PICALM: variants seen among roughly 807,000 people sequenced by gnomAD.
PICALM encodes phosphatidylinositol-binding clathrin assembly protein.
Under a neutral mutation model 80.5 loss-of-function variants are expected in PICALM, and 40 were observed. The ratio of observed to expected loss-of-function variants is 0.50; its 90% CI spans 0.39 to 0.65. The LOEUF (loss-of-function observed/expected upper bound fraction) is 0.65. Among genes scored for constraint, PICALM ranks in the 30% least tolerant of loss-of-function variants. The pLI is 0.00. For synonymous variants in PICALM, 288 were observed against 260.3 expected (o/e 1.11, Z -1.02); for missense variants, 676 against 778.9 (o/e 0.87, Z 1.57).
At chr11:85,990,110 A>G in intron 13 of PICALM, 140 bp downstream of exon 13, 1 of 448,166 alleles carries the variant, frequency 2.2e-6, no homozygotes, top group Non-Finnish European at 3.8e-6. Context: ...ACCTCACTAC[A>G]TTATGGCTGG....
chr11:86,055,474 A>G (rs1565577937), intron 1 of PICALM, among the ~76,000 whole-genome samples: 1 of 142,284 alleles, frequency 7.0e-6, no homozygotes, highest in Admixed American at 7.2e-5. Context: ...AAACTGGATC[A>G]GATTAAGTGG....
At chr11:86,016,042 G>A (rs868199729) in intron 4 of PICALM, among the ~76,000 whole-genome samples, 2 of 152,164 alleles carry the variant, frequency 1.3e-5, no homozygotes, top group Non-Finnish European at 2.9e-5. Flanking sequence ...GCCTGTTTCC[G>A]CTCAAGTGCT....
Position 85,981,194 on chromosome 11 carries a change from A to T in PICALM, c.1714T>A (p.Leu572Ile). 6.2e-7 allele frequency: 1 copy of T among 1,604,858 alleles called. No individual in the cohort carries two copies. The highest frequency in any genetic ancestry group is 8.5e-7 in the Non-Finnish European group (1 of 1,171,544). ...VNWSQPGEKK[L>I]TGGSNWQPKV... Reference sequence around the variant, plus strand: ...GGTTGCCAGTTAGATCCCCCAGTTAACTTCTTTTCACCTGGTTGACTCCAA... The same window carrying T: ...GGTTGCCAGTTAGATCCCCCAGTTATCTTCTTTTCACCTGGTTGACTCCAA... Residue 572 changes from leucine to isoleucine, a missense_variant, in exon 17 of 20, where the codon TTA (leucine) becomes ATA (isoleucine). Physicochemically the swap from Leu to Ile is conservative, Grantham distance 5. Around this residue, in one of 2 missense-constraint regions of PICALM, gnomAD observed 391 missense variants for 383.6 expected, o/e 1.02. Transcript: ENST00000393346.
At chr11:86,069,366 C>T (rs1327654769), upstream of PICALM, 1 of 155,526 alleles carries the variant, frequency 6.4e-6, no homozygotes, top group Non-Finnish European at 1.4e-5. Context: ...GGGTCACAGA[C>T]GCCGGGCGGG....
At position 86,068,796 on chromosome 11, in the gene PICALM, A is replaced by G; in HGVS notation, c.-16T>C. The G allele has an allele frequency of 6.3e-7, 1 of 1,593,846 alleles. No individual in the cohort carries two copies. Among genetic ancestry groups the G allele is most frequent in the Non-Finnish European group, 8.5e-7 (1 of 1,173,844 alleles). On this transcript the variant is annotated 5_prime_UTR_variant, in exon 1 of 20. Transcript: ENST00000393346. ...GGCCGGACATCTCTGCAGCTCCTCC[A>G]CCACCCCACCCGCTCAGCAGCCGGC...
In PICALM at chr11:85,983,859, T is replaced by C. The variant is rs2094509268; in HGVS notation, c.1516+7A>G. The C allele has an allele frequency of 2.4e-6, 3 of 1,267,640 alleles. No homozygotes were observed. Among genetic ancestry groups the C allele is most frequent in the South Asian group, 2.7e-5 (2 of 75,202 alleles). 78.5% of individuals were successfully genotyped at this position (1,267,640 alleles called of 1,614,324 possible). ...ATAATATTTTTAATAAAATTTTTTT[T>C]CCTTACCCCCAGAATCTACAATAAC... is the stretch of plus-strand genomic sequence containing the variant. On this transcript the variant is annotated splice_region_variant and intron_variant, in intron 14 of 19. Transcript: ENST00000393346.
rs78598440 is a variant in PICALM at position 86,026,129 on chromosome 11, T to C, written c.349+163A>G. ...CTCTGAGTATCTGGTAGGAAGATTA[T>C]TATTAATCTTCAAATTAAAAGACAG... On this transcript the variant is annotated intron_variant, in intron 3 of 19. Transcript: ENST00000393346. Among the ~76,000 whole-genome samples the C allele has an allele frequency of 9.5e-3, 1,439 of 152,252 alleles. 44 individuals carry two copies. The highest frequency in any genetic ancestry group is 0.062 in the East Asian group (321 of 5,180).
At chr11:86,049,382 C>A (rs2096137487) in intron 1 of PICALM, among the ~76,000 whole-genome samples, 1 of 152,144 alleles carries the variant, frequency 6.6e-6, no homozygotes, top group African/African-American at 2.4e-5. Flanking sequence ...CTTTGATATT[C>A]AGTTTTAACA....
At chr11:85,989,179 G>T (rs141717607) in intron 13 of PICALM, among the ~76,000 whole-genome samples, 53 of 152,184 alleles carry the variant, frequency 3.5e-4, no homozygotes, top group Non-Finnish European at 7.1e-4. Flanking sequence ...TAGAGTAAGG[G>T]CTGGCAACTT....
chr11:86,002,483 T>C (rs566970355), intron 9 of PICALM, among the ~76,000 whole-genome samples: 7 of 152,340 alleles, frequency 4.6e-5, no homozygotes, highest in South Asian at 2.1e-4. Flanking sequence ...ACCAGACTGA[T>C]ATGAAATGAT....
At chr11:85,966,167 A>G (rs1357943222) in intron 19 of PICALM, among the ~76,000 whole-genome samples, 1 of 151,784 alleles carries the variant, frequency 6.6e-6, no homozygotes, top group African/African-American at 2.4e-5. Context: ...ACCTGGGAGC[A>G]TTCCACTTTG....
Position 86,026,311 on chromosome 11 carries a change from C to CA in PICALM, c.329dup (p.Leu110PhefsTer3). The stretch of plus-strand genomic sequence containing the variant: ...CTTTACCTTGCAATCCACTTTTATC[C>CA]AAAAAATTGCTTAAGTTAAACAACG... On this transcript the variant is annotated frameshift_variant, in exon 3 of 20. Coordinates refer to ENST00000393346, the MANE Select transcript of PICALM (RefSeq NM_007166.4). LOFTEE classifies it high-confidence loss of function. The CA allele has an allele frequency of 1.3e-6, 2 of 1,596,550 alleles. No homozygotes were observed. The highest frequency in any genetic ancestry group is 1.7e-6 in the Non-Finnish European group (2 of 1,166,818).
chr11:86,018,922 T>C (rs752840801), intron 4 of PICALM, among the ~76,000 whole-genome samples: 35 of 151,392 alleles, frequency 2.3e-4, no homozygotes, highest in Non-Finnish European at 5.2e-4. Flanking sequence ...GATGGATCTA[T>C]GTGTACAGAC....
At chr11:86,013,004 A>AT (rs2095423552) in intron 5 of PICALM, among the ~76,000 whole-genome samples, 1 of 152,198 alleles carries the variant, frequency 6.6e-6, no homozygotes, top group East Asian at 1.9e-4. Context: ...CTCAGTGCCC[A>AT]TAAGAATGAA....
intron 1 of PICALM, among the ~76,000 whole-genome samples, chr11:86,038,880 A>T (rs939543483): frequency 2.0e-5 from 3 of 151,784 alleles, no homozygotes; most frequent in Non-Finnish European, 2.9e-5. Flanking sequence ...GGGGTCAAGG[A>T]GAACGGATCA....
At position 86,019,087 on chromosome 11, in the gene PICALM, G is replaced by A. The variant is rs145485659; in HGVS notation, c.452+3280C>T. Among the ~76,000 whole-genome samples, 5 of 152,114 alleles carry A rather than the reference G, an allele frequency of 3.3e-5. 1 individual carries two copies. The East Asian group carries it at 9.6e-4, about 29-fold the overall frequency. ...ACACTAAAATGTTAACATTTTCTAT[G>A]AATTAGGATGGTATTTTTCTTAAAT... On this transcript the variant is annotated intron_variant, in intron 4 of 19. Transcript: ENST00000393346.
chr11:86,003,332 ACT>A (rs2095196899), intron 9 of PICALM, 32 bp downstream of exon 9: 1 of 1,312,436 alleles, frequency 7.6e-7, no homozygotes, highest in Non-Finnish European at 1.1e-6. Context: ...CAGAAAAATC[ACT>A]CTGGCTTTTT....
intron 17 of PICALM, chr11:85,977,987 G>T: frequency 1.0e-6 from 1 of 1,003,146 alleles, no homozygotes; most frequent in Non-Finnish European, 1.6e-6. Flanking sequence ...ACAAGTAATA[G>T]CTGAAAGGTT....
At chr11:85,987,662 G>C (rs868272068) in intron 13 of PICALM, among the ~76,000 whole-genome samples, 4 of 152,212 alleles carry the variant, frequency 2.6e-5, no homozygotes, top group Non-Finnish European at 5.9e-5. Context: ...CTGAGAGATA[G>C]GGTCTTGCAT....
Sources: gnomAD v4.1 joint callset for allele counts (sites outside exome capture counted in the v4.1 genomes callset) on GRCh38, gnomAD v4.1.1 for gene constraint, gnomAD v4.1.1 regional missense constraint, MANE v1.5 for transcripts, NCBI Gene and HGNC (gene_info 2026-07-23, HGNC 2026-07-21) for gene names.